UBR3: variants seen among roughly 807,000 people sequenced by gnomAD.
UBR3 encodes ubiquitin protein ligase E3 component n-recognin 3, also known as E3 ubiquitin-protein ligase UBR3.
A neutral mutation model predicts 243.2 loss-of-function variants in UBR3; 85 were observed. That is an observed-to-expected ratio of 0.35 (90% confidence interval 0.29 to 0.42). The LOEUF is 0.42. UBR3 is among the 10% of genes least tolerant of loss of function. UBR3 has a pLI of 1.00. For synonymous variants in UBR3, 748 were observed against 799.8 expected (o/e 0.94, Z 1.09); for missense variants, 1,686 against 2,300.8 (o/e 0.73, Z 5.47).
chr2:170,028,361 T>C (rs1324903327), intron 30 of UBR3, among the ~76,000 whole-genome samples: 3 of 151,822 alleles, frequency 2.0e-5, no homozygotes, highest in Admixed American at 1.3e-4. Context: ...TTTCTAGGTC[T>C]GCTGGCTCAC....
chr2:170,034,914 A>T (rs2090783611), intron 31 of UBR3, among the ~76,000 whole-genome samples: 1 of 152,000 alleles, frequency 6.6e-6, no homozygotes, highest in African/African-American at 2.4e-5. Flanking sequence ...CATTTCTCTG[A>T]TGACATACGG....
chr2:170,055,012 A>G (rs750132944), intron 32 of UBR3, among the ~76,000 whole-genome samples: 1 of 152,176 alleles, frequency 6.6e-6, no homozygotes, highest in Non-Finnish European at 1.5e-5. Context: ...ATATAATAGT[A>G]CATTATAATT....
chr2:169,952,654 T>C (rs12692929), intron 23 of UBR3, among the ~76,000 whole-genome samples: 109,369 of 151,814 alleles, frequency 0.72, 41,378 homozygotes, highest in East Asian at 0.88. Context: ...GAGATCGCGC[T>C]GCTGCACTCC....
intron 30 of UBR3, among the ~76,000 whole-genome samples, chr2:170,020,507 T>G (rs1326560466): frequency 3.3e-5 from 5 of 152,212 alleles, no homozygotes; most frequent in Non-Finnish European, 7.3e-5. Context: ...TGGCTTCAGT[T>G]TCCTCATCTA....
chr2:169,925,369 A>G (rs993747951), intron 13 of UBR3, among the ~76,000 whole-genome samples: 2 of 152,218 alleles, frequency 1.3e-5, no homozygotes, highest in Non-Finnish European at 1.5e-5. Context: ...AAATCATCAT[A>G]AATGTATCCA....
At position 169,878,536 on chromosome 2, in the gene UBR3, G is replaced by A. The variant is rs769776284; in HGVS notation, c.1000G>A (p.Ala334Thr). The A allele has an allele frequency of 2.3e-5, 36 of 1,551,048 alleles. No individual in the cohort carries two copies. The highest frequency in any genetic ancestry group is 1.4e-4 in the African/African-American group (10 of 73,020). ...SSLAVQGFIG[A>T]TGTLGQVDSS... Reference sequence around the variant, plus strand: ...CTTCTCCTCCAAAGGTTTCATAGGCGCAACAGGAACTTTGGGACAAGTGGA... The same window carrying A: ...CTTCTCCTCCAAAGGTTTCATAGGCACAACAGGAACTTTGGGACAAGTGGA... Residue 334 changes from alanine to threonine, a missense_variant, in exon 5 of 39, where the codon GCA becomes ACA. By Grantham distance (58) the Ala-to-Thr change is moderately conservative. This residue lies in a region of UBR3 where 200 missense variants were observed against 231.6 expected (regional missense o/e 0.86). Coordinates refer to ENST00000272793, the MANE Select transcript of UBR3 (RefSeq NM_172070.4).
intron 5 of UBR3, among the ~76,000 whole-genome samples, chr2:169,879,412 T>C (rs2083738489): frequency 6.6e-6 from 1 of 152,148 alleles, no homozygotes; most frequent in Non-Finnish European, 1.5e-5. Context: ...GTTTTTCCCC[T>C]CTAAAAAGGC....
chr2:169,984,016 C>T (rs905973361), intron 24 of UBR3, among the ~76,000 whole-genome samples: 1 of 152,082 alleles, frequency 6.6e-6, no homozygotes, highest in East Asian at 1.9e-4. Context: ...TTGGATTTGT[C>T]ATCTTTGACT....
chr2:169,864,180 G>A (rs891990458), intron 1 of UBR3, among the ~76,000 whole-genome samples: 1 of 151,898 alleles, frequency 6.6e-6, no homozygotes, highest in Non-Finnish European at 1.5e-5. Context: ...TGGGTAGCTG[G>A]GATTATAGGT....
At chr2:169,874,688 A>G (rs1280570017) in intron 2 of UBR3, among the ~76,000 whole-genome samples, 1 of 152,198 alleles carries the variant, frequency 6.6e-6, no homozygotes, top group Non-Finnish European at 1.5e-5. Flanking sequence ...AACATCTACT[A>G]TATTACTATA....
At chr2:169,834,421 G>A (rs1349556828) in intron 1 of UBR3, among the ~76,000 whole-genome samples, 1 of 152,176 alleles carries the variant, frequency 6.6e-6, no homozygotes, top group African/African-American at 2.4e-5. Flanking sequence ...GCTTATGTAT[G>A]AGGATACATT....
At chr2:169,993,578 T>A (rs2089369911) in intron 25 of UBR3, among the ~76,000 whole-genome samples, 1 of 152,184 alleles carries the variant, frequency 6.6e-6, no homozygotes, top group South Asian at 2.1e-4. Flanking sequence ...TTAAACAGTT[T>A]TGGCAAGGGT....
chr2:169,926,660 T>C (rs1423814478), intron 14 of UBR3, 32 bp from the exon 15 acceptor site: 4 of 1,509,926 alleles, frequency 2.6e-6, no homozygotes, highest in Non-Finnish European at 3.6e-6. Flanking sequence ...AACTGAATAT[T>C]GAGAAATAAA....
chr2:169,924,623 C>T (rs1406175897), intron 13 of UBR3, among the ~76,000 whole-genome samples: 1 of 152,162 alleles, frequency 6.6e-6, no homozygotes, highest in Non-Finnish European at 1.5e-5. Context: ...ATTTGACAGG[C>T]CAGCTTTTTA....
chr2:169,971,933 A>G (rs1198054253), intron 24 of UBR3, among the ~76,000 whole-genome samples: 2 of 152,124 alleles, frequency 1.3e-5, no homozygotes, highest in African/African-American at 4.8e-5. Context: ...AACTGAAGGA[A>G]ATAGAGACAC....
chr2:169,914,908 A>C (rs1308983816), intron 11 of UBR3, among the ~76,000 whole-genome samples: 1 of 151,810 alleles, frequency 6.6e-6, no homozygotes, highest in Non-Finnish European at 1.5e-5. Flanking sequence ...TTTTTGACAC[A>C]ATCACAAATT....
chr2:169,983,857 T>C (rs1234054556), intron 24 of UBR3, among the ~76,000 whole-genome samples: 1 of 152,226 alleles, frequency 6.6e-6, no homozygotes. Flanking sequence ...TTATGGTAAT[T>C]TAAGTAGTAC....
intron 11 of UBR3, among the ~76,000 whole-genome samples, chr2:169,923,179 T>A (rs1268275674): frequency 2.0e-5 from 3 of 152,186 alleles, no homozygotes; most frequent in Non-Finnish European, 4.4e-5. Context: ...ATTCACATAT[T>A]TTTTATGAAG....
intron 30 of UBR3, among the ~76,000 whole-genome samples, chr2:170,019,826 A>T (rs2105414737): frequency 6.6e-6 from 1 of 152,286 alleles, no homozygotes; most frequent in Non-Finnish European, 1.5e-5. Flanking sequence ...ACTCAGCTGG[A>T]GTGCAGTGGC....
Sources: allele counts gnomAD v4.1 joint callset (sites outside exome capture counted in the v4.1 genomes callset), GRCh38; gene constraint gnomAD v4.1.1; regional missense constraint gnomAD v4.1.1; transcripts MANE v1.5; gene names NCBI Gene and HGNC (gene_info 2026-07-23, HGNC 2026-07-21).